NBAS: variants seen among roughly 807,000 people sequenced by gnomAD.
NBAS encodes the protein NBAS subunit of NRZ tethering complex, also known as NAG/BC035112 fusion.
In NBAS, 219 loss-of-function variants were observed where a neutral mutation model predicts 302.5. That is an observed-to-expected ratio of 0.72 (90% confidence interval 0.65 to 0.81). The LOEUF is 0.81. Ranked by LOEUF, NBAS falls within the 30% of genes least tolerant of loss-of-function variation. The probability of loss-of-function intolerance (pLI) is 0.00; values close to 1 mark genes in which losing one functional copy is unlikely to be tolerated. For synonymous variants in NBAS, 1,118 were observed against 1,021.6 expected (o/e 1.09, Z -1.80); for missense variants, 2,932 against 2,841.6 (o/e 1.03, Z -0.72).
chr2:15,493,871 T>C (rs1273171489), intron 11 of NBAS, among the ~76,000 whole-genome samples: 1 of 147,992 alleles, frequency 6.8e-6, no homozygotes, highest in Non-Finnish European at 1.5e-5. Context: ...CTGTCTCCCA[T>C]GCCGGAGTAC....
At chr2:14,893,245 T>C in the NBAS span, among the ~76,000 whole-genome samples, 9 of 152,344 alleles carry the variant, frequency 5.9e-5, no homozygotes, top group Admixed American at 5.9e-4. Flanking sequence ...ATTCCCTCTT[T>C]TCCTTCATCA....
At chr2:15,407,860 A>C (rs951083098) in intron 25 of NBAS, among the ~76,000 whole-genome samples, 5 of 152,214 alleles carry the variant, frequency 3.3e-5, no homozygotes, top group African/African-American at 7.2e-5. Flanking sequence ...GCTAAAATTC[A>C]GTTGTCAGCA....
the NBAS span, among the ~76,000 whole-genome samples, chr2:15,101,534 CAT>C: frequency 1.2e-4 from 18 of 151,686 alleles, no homozygotes; most frequent in African/African-American, 4.3e-4. Context: ...TATAAATAAA[CAT>C]ATAGTTTTAA....
At chr2:14,872,279 T>C in the NBAS span, among the ~76,000 whole-genome samples, 2 of 152,178 alleles carry the variant, frequency 1.3e-5, no homozygotes, top group African/African-American at 4.8e-5. Flanking sequence ...GCCAGCAGCC[T>C]TCCTTCAACA....
intron 38 of NBAS, among the ~76,000 whole-genome samples, chr2:15,312,465 C>T (rs779819718): frequency 2.6e-5 from 4 of 151,966 alleles, no homozygotes; most frequent in Non-Finnish European, 4.4e-5. Context: ...TTTATAGAGA[C>T]GGAGTATTTT....
chr2:15,398,817 G>C (rs1676004380), intron 26 of NBAS, among the ~76,000 whole-genome samples: 1 of 152,100 alleles, frequency 6.6e-6, no homozygotes, highest in Non-Finnish European at 1.5e-5. Flanking sequence ...AATTTACTTA[G>C]AAAATTAGAA....
intron 40 of NBAS, among the ~76,000 whole-genome samples, chr2:15,298,173 C>T (rs1670635943): frequency 6.6e-6 from 1 of 152,064 alleles, no homozygotes; most frequent in Non-Finnish European, 1.5e-5. Context: ...AGTGAGACCC[C>T]ATCTCTACGA....
At chr2:15,522,883 T>C (rs1662743248) in intron 9 of NBAS, among the ~76,000 whole-genome samples, 1 of 152,260 alleles carries the variant, frequency 6.6e-6, no homozygotes, top group Admixed American at 6.5e-5. Flanking sequence ...CATACTATAT[T>C]CTTACAGTAA....
intron 38 of NBAS, among the ~76,000 whole-genome samples, chr2:15,323,758 A>T (rs536948480): frequency 4.6e-4 from 70 of 151,866 alleles, no homozygotes; most frequent in Non-Finnish European, 5.2e-4. Flanking sequence ...TCACTTGTGC[A>T]CAGGAGGTTG....
the NBAS span, among the ~76,000 whole-genome samples, chr2:14,998,322 A>T: frequency 6.6e-6 from 1 of 152,190 alleles, no homozygotes; most frequent in African/African-American, 2.4e-5. Context: ...GAAAGTTGGG[A>T]CTTTGCCCAG....
At chr2:15,076,016 A>G in the NBAS span, among the ~76,000 whole-genome samples, 1 of 152,214 alleles carries the variant, frequency 6.6e-6, no homozygotes, top group Non-Finnish European at 1.5e-5. Flanking sequence ...CTCCACCTTT[A>G]GTCTCCAAAC....
At chr2:15,054,369 C>G in the NBAS span, among the ~76,000 whole-genome samples, 4 of 152,210 alleles carry the variant, frequency 2.6e-5, no homozygotes, top group Non-Finnish European at 2.9e-5. Flanking sequence ...AGTTCTACCA[C>G]TATCTACTAG....
the NBAS span, among the ~76,000 whole-genome samples, chr2:14,909,388 A>AAAAAAAAAAAAAAAAG: frequency 7.1e-6 from 1 of 140,524 alleles, no homozygotes; most frequent in African/African-American, 2.7e-5. Context: ...AAAAAAAAAA[A>AAAAAAAAAAAAAAAAG]AGATTTCCCA....
intron 44 of NBAS, among the ~76,000 whole-genome samples, chr2:15,258,472 C>T (rs1018306605): frequency 3.3e-5 from 5 of 152,124 alleles, no homozygotes; most frequent in Admixed American, 6.5e-5. Context: ...CTAAATTCTT[C>T]TCCTAGCAAG....
the NBAS span, among the ~76,000 whole-genome samples, chr2:14,959,127 C>T: frequency 2.1e-4 from 32 of 152,312 alleles, no homozygotes; most frequent in African/African-American, 7.7e-4. Context: ...ACTCCACCAC[C>T]ACCAGTTGGT....
chr2:15,306,044 T>C (rs774682057), intron 40 of NBAS, among the ~76,000 whole-genome samples: 3 of 152,250 alleles, frequency 2.0e-5, no homozygotes, highest in Non-Finnish European at 2.9e-5. Context: ...TGTTTCAATG[T>C]ACTTAGAGTT....
intron 21 of NBAS, among the ~76,000 whole-genome samples, 189 bp from the exon 22 acceptor site, chr2:15,427,983 A>T (rs959198384): frequency 6.6e-6 from 1 of 152,236 alleles, no homozygotes; most frequent in African/African-American, 2.4e-5. Context: ...TTGCTGAATC[A>T]TAAAATGGCT....
the NBAS span, among the ~76,000 whole-genome samples, chr2:15,143,431 T>C: frequency 6.6e-6 from 1 of 152,180 alleles, no homozygotes; most frequent in Non-Finnish European, 1.5e-5. Context: ...GAGGCCCTTG[T>C]GATTTCACTG....
intron 40 of NBAS, among the ~76,000 whole-genome samples, 158 bp downstream of exon 40, chr2:15,308,058 A>G (rs1664467789): frequency 6.6e-6 from 1 of 152,240 alleles, no homozygotes; most frequent in African/African-American, 2.4e-5. Flanking sequence ...TGGAGAAGCA[A>G]CTTTGTCGAA....
Sources: gnomAD v4.1 joint callset for allele counts (sites outside exome capture counted in the v4.1 genomes callset) on GRCh38, gnomAD v4.1.1 for gene constraint, MANE v1.5 for transcripts, NCBI Gene and HGNC (gene_info 2026-07-23, HGNC 2026-07-21) for gene names.